The following RIMS1 variants were observed in gnomAD, a reference collection of about 807,000 sequenced individuals.
The protein encoded by RIMS1 is regulating synaptic membrane exocytosis protein 1.
In RIMS1, 83 loss-of-function variants were observed where a neutral mutation model predicts 214.1. The ratio of observed to expected loss-of-function variants is 0.39; its 90% CI spans 0.32 to 0.47. The LOEUF (loss-of-function observed/expected upper bound fraction) is 0.47. Ranked by LOEUF, RIMS1 falls within the 20% of genes least tolerant of loss-of-function variation. The pLI is 0.99. For missense variants in RIMS1, 2,050 were observed against 2,161.8 expected (o/e 0.95, Z 1.03); for synonymous variants, 793 against 786.8 (o/e 1.01, Z -0.13).
At chr6:72,286,472 A>G (rs890390672) in intron 24 of RIMS1, among the ~76,000 whole-genome samples, 1 of 152,220 alleles carries the variant, frequency 6.6e-6, no homozygotes. Flanking sequence ...CTTATGAATC[A>G]TATTCATAGT....
At chr6:71,993,671 C>T (rs1802547685) in intron 2 of RIMS1, among the ~76,000 whole-genome samples, 3 of 152,178 alleles carry the variant, frequency 2.0e-5, no homozygotes, top group African/African-American at 7.2e-5. Flanking sequence ...CAGACAGTGA[C>T]AGCTCTGTGT....
At chr6:72,233,748 T>A in intron 6 of RIMS1, 25 bp from the exon 7 acceptor site, 2 of 1,521,232 alleles carry the variant, frequency 1.3e-6, no homozygotes, top group Non-Finnish European at 1.8e-6. Context: ...ACCATTACAC[T>A]TTTCATTCTT....
intron 6 of RIMS1, among the ~76,000 whole-genome samples, chr6:72,217,903 T>C (rs948589843): frequency 1.3e-5 from 2 of 152,156 alleles, no homozygotes; most frequent in Non-Finnish European, 2.9e-5. Context: ...GAGTAACTAG[T>C]GACTAACCCC....
intron 4 of RIMS1, among the ~76,000 whole-genome samples, chr6:72,160,351 G>A (rs368576949): frequency 3.6e-5 from 5 of 139,512 alleles, no homozygotes; most frequent in South Asian, 4.8e-4. Context: ...TGACTTCCTC[G>A]TTTCCTAATT....
chr6:71,936,862 C>A (rs2150970382), intron 1 of RIMS1, among the ~76,000 whole-genome samples: 1 of 152,332 alleles, frequency 6.6e-6, no homozygotes, highest in Middle Eastern at 3.4e-3. Flanking sequence ...TCCCCACGTC[C>A]TTTTACAGTT....
chr6:72,279,557 A>T (rs1256316316), intron 23 of RIMS1, among the ~76,000 whole-genome samples: 1 of 152,074 alleles, frequency 6.6e-6, no homozygotes, highest in African/African-American at 2.4e-5. Flanking sequence ...ATTCTTTATG[A>T]ATAATATTGT....
At chr6:72,339,091 A>ACAATTATATTAAATACAAGTGT (rs2096950884) in intron 29 of RIMS1, among the ~76,000 whole-genome samples, 1 of 151,816 alleles carries the variant, frequency 6.6e-6, no homozygotes, top group African/African-American at 2.4e-5. Flanking sequence ...CTCAGAAAAG[A>ACAATTATATTAAATACAAGTGT]CAATTATATT....
chr6:71,966,069 G>A (rs1202430338), intron 1 of RIMS1, among the ~76,000 whole-genome samples: 1 of 152,128 alleles, frequency 6.6e-6, no homozygotes, highest in Non-Finnish European at 1.5e-5. Context: ...TCCAAACTAT[G>A]ATCCAATTCA....
chr6:71,916,371 TAC>T (rs1317148590), intron 1 of RIMS1, among the ~76,000 whole-genome samples: 1 of 152,132 alleles, frequency 6.6e-6, no homozygotes, highest in African/African-American at 2.4e-5. Flanking sequence ...TTTCCAATGT[TAC>T]AGAGTATTTT....
At chr6:72,325,897 T>C (rs2096439349) in intron 28 of RIMS1, among the ~76,000 whole-genome samples, 1 of 151,856 alleles carries the variant, frequency 6.6e-6, no homozygotes, top group Non-Finnish European at 1.5e-5. Flanking sequence ...GCCACCTTGA[T>C]TATTAATCAC....
intron 22 of RIMS1, among the ~76,000 whole-genome samples, chr6:72,271,286 A>AAAAAATATATATATATATAT (rs1417580438): frequency 4.5e-5 from 2 of 44,420 alleles, no homozygotes; most frequent in Non-Finnish European, 7.4e-5. Flanking sequence ...AAAAAAAAAA[A>AAAAAATATATATATATATAT]ATATATATAT....
intron 16 of RIMS1, among the ~76,000 whole-genome samples, chr6:72,254,262 C>G (rs761054765): frequency 6.6e-6 from 1 of 151,976 alleles, no homozygotes; most frequent in Non-Finnish European, 1.5e-5. Context: ...TATATATTAA[C>G]CTTTGATGTC....
At chr6:71,918,661 A>C (rs112111114) in intron 1 of RIMS1, among the ~76,000 whole-genome samples, 2,620 of 152,282 alleles carry the variant, frequency 0.017, 37 homozygotes, top group Non-Finnish European at 0.027. Flanking sequence ...TTAAGAGTTT[A>C]AAAGAAAAAT....
chr6:72,337,667 G>A (rs1484808388), intron 29 of RIMS1, among the ~76,000 whole-genome samples: 1 of 150,684 alleles, frequency 6.6e-6, no homozygotes, highest in Admixed American at 6.6e-5. Context: ...GTATACATGT[G>A]CCATGTTGGT....
At chr6:72,139,289 C>G (rs1475000811) in intron 4 of RIMS1, among the ~76,000 whole-genome samples, 1 of 152,164 alleles carries the variant, frequency 6.6e-6, no homozygotes, top group East Asian at 1.9e-4. Context: ...GGTTACTTTG[C>G]TGTTCATGAG....
At chr6:72,186,833 T>C (rs2049184472) in intron 6 of RIMS1, among the ~76,000 whole-genome samples, 1 of 150,794 alleles carries the variant, frequency 6.6e-6, no homozygotes, top group South Asian at 2.2e-4. Flanking sequence ...TAGGAACAAT[T>C]AAGAAAGCTC....
intron 1 of RIMS1, among the ~76,000 whole-genome samples, chr6:71,936,282 G>A (rs925600187): frequency 2.9e-4 from 38 of 132,434 alleles, no homozygotes; most frequent in African/African-American, 9.3e-4. Context: ...AGCCGAGATC[G>A]CGCCACTGCA....
rs760207205 is a variant in RIMS1 at position 72,182,388 on chromosome 6, A to C, written c.917A>C (p.Glu306Ala). The C allele has an allele frequency of 1.7e-5, 28 of 1,613,834 alleles. No individual in the cohort carries two copies. Among genetic ancestry groups the C allele is most frequent in the Non-Finnish European group, 2.3e-5 (27 of 1,179,894 alleles). The change falls in exon 6 of 34, where the codon GAA becomes GCA. Residue 306 changes from glutamate (E) to alanine (A), a missense_variant. Around this residue, in one of 6 missense-constraint regions of RIMS1, gnomAD observed 882 missense variants for 828.9 expected, o/e 1.06. Coordinates refer to ENST00000521978, the MANE Select transcript of RIMS1 (RefSeq NM_014989.7). ...TSAQPVEGAVEERERKERRES... is the reference protein window; with the variant it reads ...TSAQPVEGAVAERERKERRES... ...GCGCAGCCCGTGGAGGGGGCCGTCG[A>C]AGAACGGGAGCGCAAAGAAAGGCGG...
At chr6:71,945,029 A>G (rs1170799571) in intron 1 of RIMS1, among the ~76,000 whole-genome samples, 1 of 152,216 alleles carries the variant, frequency 6.6e-6, no homozygotes, top group Admixed American at 6.5e-5. Flanking sequence ...CAAACTTTCA[A>G]GACCTCTATC....
Sources: allele counts gnomAD v4.1 joint callset (sites outside exome capture counted in the v4.1 genomes callset), GRCh38; gene constraint gnomAD v4.1.1; regional missense constraint gnomAD v4.1.1; transcripts MANE v1.5; gene names NCBI Gene and HGNC (gene_info 2026-07-23, HGNC 2026-07-21).